ARID1B: variants seen among roughly 807,000 people sequenced by gnomAD.
The protein encoded by ARID1B is AT-rich interaction domain 1B.
ARID1B carries 30 observed loss-of-function variants against 212.3 expected under a neutral mutation model. The observed-to-expected ratio is 0.14, with a 90% CI of 0.11 to 0.19. ARID1B has a LOEUF of 0.19. ARID1B is among the 10% of genes least tolerant of loss of function. ARID1B has a pLI of 1.00. For synonymous variants in ARID1B, 1,402 were observed against 1,301.7 expected, an observed-to-expected ratio of 1.08 and a Z score of -1.66; for missense variants, 2,891 against 3,204.0, an observed-to-expected ratio of 0.90 and a Z score of 2.36.
intron 1 of ARID1B, among the ~76,000 whole-genome samples, chr6:156,810,401 G>A (rs1781476190): frequency 6.6e-6 from 1 of 152,170 alleles, no homozygotes; most frequent in Non-Finnish European, 1.5e-5. Context: ...TTGAGGCCTG[G>A]GAGGTTGAGG....
chr6:156,890,406 G>T (rs555438655), intron 2 of ARID1B, among the ~76,000 whole-genome samples: 1 of 152,150 alleles, frequency 6.6e-6, no homozygotes, highest in Non-Finnish European at 1.5e-5. Context: ...GATAAAAAAT[G>T]AGAACTTTTC....
intron 1 of ARID1B, among the ~76,000 whole-genome samples, chr6:156,820,035 A>G (rs1365336828): frequency 6.6e-6 from 1 of 152,124 alleles, no homozygotes; most frequent in East Asian, 1.9e-4. Flanking sequence ...TCTGACATGA[A>G]TATCTGGGTG....
chr6:156,815,931 C>T (rs1337496539), intron 1 of ARID1B, among the ~76,000 whole-genome samples: 2 of 152,124 alleles, frequency 1.3e-5, no homozygotes, highest in African/African-American at 4.8e-5. Context: ...AAACATTGCC[C>T]AGGCAGGTTT....
At chr6:157,016,472 A>G (rs535340458) in intron 4 of ARID1B, among the ~76,000 whole-genome samples, 4 of 152,242 alleles carry the variant, frequency 2.6e-5, no homozygotes, top group Non-Finnish European at 4.4e-5. Context: ...TCCTTGAATA[A>G]TATTGTTTTG....
At chr6:156,968,936 A>G (rs1776725476) in intron 4 of ARID1B, among the ~76,000 whole-genome samples, 1 of 152,222 alleles carries the variant, frequency 6.6e-6, no homozygotes, top group Non-Finnish European at 1.5e-5. Flanking sequence ...CCCTGGGAGC[A>G]GGTCTCTTCT....
intron 3 of ARID1B, among the ~76,000 whole-genome samples, chr6:156,927,457 G>A (rs964162147): frequency 1.3e-5 from 2 of 152,094 alleles, no homozygotes; most frequent in African/African-American, 4.8e-5. Flanking sequence ...TTTTTGGGAG[G>A]TGGGATATTT....
intron 6 of ARID1B, among the ~76,000 whole-genome samples, chr6:157,114,655 G>A (rs1787201096): frequency 6.6e-6 from 1 of 150,548 alleles, no homozygotes; most frequent in Middle Eastern, 3.5e-3. Flanking sequence ...TTTACACTTA[G>A]TTTGTTTTAA....
chr6:157,146,618 A>G (rs1789743517), intron 7 of ARID1B, among the ~76,000 whole-genome samples: 2 of 152,132 alleles, frequency 1.3e-5, no homozygotes, highest in Non-Finnish European at 2.9e-5. Context: ...CTGCACACAC[A>G]CACACATGCA....
At chr6:156,935,241 G>T (rs1485222068) in intron 3 of ARID1B, among the ~76,000 whole-genome samples, 1 of 151,486 alleles carries the variant, frequency 6.6e-6, no homozygotes, top group Non-Finnish European at 1.5e-5. Flanking sequence ...ACCACACTCG[G>T]CTAATTTTTT....
chr6:156,871,574 A>G, intron 2 of ARID1B: 1 of 1,577,796 alleles, frequency 6.3e-7, no homozygotes, highest in Non-Finnish European at 8.7e-7. Flanking sequence ...GACTGACTCC[A>G]ACACTGTTGC....
At position 156,779,409 on chromosome 6, in the gene ARID1B, C is replaced by A; in HGVS notation, c.1729C>A (p.Gln577Lys). The A allele has an allele frequency of 6.9e-7, 1 of 1,456,198 alleles. No homozygotes were observed. Among genetic ancestry groups the A allele is most frequent in the Non-Finnish European group, 9.1e-7 (1 of 1,101,670 alleles). 90.2% of individuals were successfully genotyped at this position (1,456,198 alleles called of 1,614,324 possible). The change falls in exon 1 of 20, where the codon CAA becomes AAA. Residue 577 changes from glutamine (Q) to lysine (K), a missense_variant. By Grantham distance (53) the Gln-to-Lys change is moderately conservative. Transcript: ENST00000636930. ...AAASPAWAAA[Q>K]QRSHPAMSPG... ...TGCCAGCCCGGCCTGGGCGGCCGCG[C>A]AACAAAGGAGTCACCCGGCGATGAG...
intron 4 of ARID1B, 167 bp downstream of exon 4, chr6:156,935,743 A>G: frequency 1.7e-6 from 1 of 578,988 alleles, no homozygotes; most frequent in East Asian, 3.0e-5. Context: ...GGAGCTCTGT[A>G]GTCCTGGATA....
chr6:156,798,873 C>T (rs971902369), intron 1 of ARID1B, among the ~76,000 whole-genome samples: 1 of 152,186 alleles, frequency 6.6e-6, no homozygotes, highest in Non-Finnish European at 1.5e-5. Context: ...TCTTTACCCC[C>T]TCTGAAACCT....
chr6:156,980,273 A>C (rs1777522039), intron 4 of ARID1B, among the ~76,000 whole-genome samples: 1 of 152,112 alleles, frequency 6.6e-6, no homozygotes, highest in Non-Finnish European at 1.5e-5. Context: ...ACCTGCGGTC[A>C]GGAGTTCGAG....
At chr6:157,009,954 T>A (rs1275127117) in intron 4 of ARID1B, among the ~76,000 whole-genome samples, 1 of 152,246 alleles carries the variant, frequency 6.6e-6, no homozygotes, top group Non-Finnish European at 1.5e-5. Flanking sequence ...TCCAGGACTC[T>A]ACAAAAGATT....
chr6:156,954,822 C>T (rs569834741), intron 4 of ARID1B, among the ~76,000 whole-genome samples: 4 of 152,108 alleles, frequency 2.6e-5, no homozygotes, highest in Non-Finnish European at 5.9e-5. Flanking sequence ...TAACTATTTC[C>T]CCCACTGTGT....
intron 2 of ARID1B, among the ~76,000 whole-genome samples, chr6:156,852,226 T>TA (rs1784624684): frequency 6.6e-6 from 1 of 152,044 alleles, no homozygotes. Context: ...GGTGGGAGGA[T>TA]TGCCTGAGGC....
At chr6:156,944,524 AG>A (rs1583001662) in intron 4 of ARID1B, among the ~76,000 whole-genome samples, 1 of 152,332 alleles carries the variant, frequency 6.6e-6, no homozygotes, top group East Asian at 1.9e-4. Flanking sequence ...GGGAAAGGGA[AG>A]GGGGAGGCAG....
chr6:156,839,637 A>G (rs1783754258), intron 2 of ARID1B, among the ~76,000 whole-genome samples: 2 of 152,218 alleles, frequency 1.3e-5, no homozygotes, highest in South Asian at 4.1e-4. Context: ...AAGGATGGGA[A>G]GAGTGATAAC....
Sources: allele counts gnomAD v4.1 joint callset (sites outside exome capture counted in the v4.1 genomes callset), GRCh38; gene constraint gnomAD v4.1.1; transcripts MANE v1.5; gene names NCBI Gene and HGNC (gene_info 2026-07-23, HGNC 2026-07-21).